Variants in VASP observed in about 807,000 individuals in gnomAD.
VASP encodes the protein vasodilator-stimulated phosphoprotein.
A neutral mutation model predicts 54.4 loss-of-function variants in VASP; 27 were observed. The ratio of observed to expected loss-of-function variants is 0.50; its 90% confidence interval spans 0.37 to 0.68. The LOEUF is 0.68. Among genes scored for constraint, VASP ranks in the 30% least tolerant of loss-of-function variants. The pLI is 0.00. For missense variants in VASP, 488 were observed against 528.3 expected (o/e 0.92, Z 0.75); for synonymous variants, 233 against 209.8 (o/e 1.11, Z -0.96).
At chr19:45,524,962 A>G (rs1308702594) in intron 11 of VASP, 3 of 317,726 alleles carry the variant, frequency 9.4e-6, no homozygotes, top group South Asian at 3.0e-5. Context: ...GCGCTTGCCA[A>G]CCTTGGTACT....
chr19:45,517,827 A>G lies in VASP; in HGVS notation c.170A>G (p.Asp57Gly). 6.2e-7 allele frequency: 1 copy of G among 1,613,122 alleles called. No homozygotes were observed. Among genetic ancestry groups the G allele is most frequent in the Non-Finnish European group, 8.5e-7 (1 of 1,179,844 alleles). The change falls in exon 2 of 13, where the codon GAC becomes GGC. Residue 57 changes from aspartate to glycine, a missense_variant. Physicochemically the swap from Asp to Gly is moderately conservative, Grantham distance 94. This residue lies in a region of VASP where 127 missense variants were observed against 170.7 expected (regional missense o/e 0.74). Transcript: ENST00000245932. ...GTCGTGGGCCGGAAGATGCAGCCCGACCAGCAGGTGCAGCTTCCCGCCGGC... is the reference window on the plus strand; with the variant it reads ...GTCGTGGGCCGGAAGATGCAGCCCGGCCAGCAGGTGCAGCTTCCCGCCGGC... ...FRVVGRKMQPDQQVVINCAIV... is the reference protein window; with the variant it reads ...FRVVGRKMQPGQQVVINCAIV...
chr19:45,521,370 AC>A lies in VASP; in HGVS notation c.393del (p.Asn131LysfsTer22), dbSNP rs1366180881. 6.3e-7 allele frequency: 1 copy of A among 1,582,382 alleles called. No homozygotes were observed. Among genetic ancestry groups the A allele is most frequent in the African/African-American group, 1.3e-5 (1 of 74,470 alleles). ...PPALPTWSVP[N>X]GPSPEEVEQQ... is the part of the protein sequence containing the mutation. ...GCACTTCCCACCTGGTCGGTCCCGAACGGCCCCTCCCCGGAGGAGGTGGAGC... is the reference window on the plus strand; with the variant it reads ...GCACTTCCCACCTGGTCGGTCCCGAAGGCCCCTCCCCGGAGGAGGTGGAGC... On this transcript the variant is annotated frameshift_variant, in exon 4 of 13. Coordinates refer to ENST00000245932, the MANE Select transcript of VASP (RefSeq NM_003370.4). LOFTEE classifies it high-confidence loss of function.
chr19:45,516,482 G>A (rs1166081144), intron 1 of VASP, among the ~76,000 whole-genome samples: 2 of 152,168 alleles, frequency 1.3e-5, no homozygotes, highest in African/African-American at 2.4e-5. Context: ...GGTGCGTAGA[G>A]ATAGGGAAAC....
chr19:45,518,603 A>T (rs902249023), intron 3 of VASP, among the ~76,000 whole-genome samples: 1 of 152,140 alleles, frequency 6.6e-6, no homozygotes, highest in Non-Finnish European at 1.5e-5. Flanking sequence ...TTACTCAGGG[A>T]TCAGTACTCC....
chr19:45,507,660 C>A lies in VASP; in HGVS notation c.-112C>A. 7.1e-7 allele frequency: 1 copy of A among 1,404,588 alleles called. No individual in the cohort carries two copies. The highest frequency in any genetic ancestry group is 9.6e-7 in the Non-Finnish European group (1 of 1,042,952). 87.0% of individuals were successfully genotyped at this position (1,404,588 alleles called of 1,614,324 possible). A position where few individuals can be genotyped will look rare whatever the true frequency, so the allele number is the denominator to read the frequency against. On this transcript the variant is annotated 5_prime_UTR_variant, in exon 1 of 13. Transcript: ENST00000245932. The surrounding 1 kb of genome is among the most constrained non-coding windows in gnomAD (Gnocchi z 4.4). The stretch of plus-strand genomic sequence containing the variant: ...GAAGCCGGACTCTATGGGGCGGGAC[C>A]CTGGGGGAGCCTGAGCCGAGCCCGG...
chr19:45,517,810 C>A lies in VASP; in HGVS notation c.153C>A (p.Gly51=), dbSNP rs138199862. ...NPTANSFRVV[G]RKMQPDQQVV... ...CGGCCAATTCCTTTCGCGTCGTGGG[C>A]CGGAAGATGCAGCCCGACCAGCAGG... is the stretch of plus-strand genomic sequence containing the variant. The change falls in exon 2 of 13, where the codon GGC becomes GGA. Residue 51 remains glycine, a synonymous_variant. Transcript: ENST00000245932. 4.2e-5 allele frequency: 68 copies of A among 1,613,666 alleles called. No homozygotes were observed. Among genetic ancestry groups the A allele is most frequent in the Non-Finnish European group, 5.5e-5 (65 of 1,180,000 alleles).
chr19:45,526,921 C>T lies in VASP; in HGVS notation c.*744C>T, dbSNP rs1968984545. On this transcript the variant is annotated 3_prime_UTR_variant, in exon 13 of 13. Coordinates refer to ENST00000245932, the MANE Select transcript of VASP (RefSeq NM_003370.4). ...GAAGGGGAGGAAACTTCTCCCCTCC[C>T]ACCTTCACCTTTAGCTTCTTGAAAA... The T allele has an allele frequency of 6.6e-6, 1 of 152,046 alleles. No homozygotes were observed. The highest frequency in any genetic ancestry group is 1.5e-5 in the Non-Finnish European group (1 of 68,008). The allele number at this position is 152,046 out of a possible 1,614,324, so 9.4% of individuals were successfully genotyped here. A position where few individuals can be genotyped will look rare whatever the true frequency, so the allele number is the denominator to read the frequency against.
In VASP at chr19:45,507,988, G is replaced by A. The variant is rs1185131725; in HGVS notation, c.5+212G>A. On this transcript the variant is annotated intron_variant, in intron 1 of 12. Transcript: ENST00000245932. The surrounding 1 kb of genome is among the most constrained non-coding windows in gnomAD (Gnocchi z 4.4). Reference sequence around the variant, plus strand: ...AAGCTCGGGGGGTGGTGGCGGTGAGGTTCTCCTGGGAGCCCTCAAGATTTG... The same window carrying A: ...AAGCTCGGGGGGTGGTGGCGGTGAGATTCTCCTGGGAGCCCTCAAGATTTG... Among the ~76,000 whole-genome samples the A allele has an allele frequency of 6.6e-6, 1 of 152,098 alleles. No homozygotes were observed. The highest frequency in any genetic ancestry group is 1.9e-4 in the East Asian group (1 of 5,180).
At chr19:45,514,206 G>C (rs1404423261) in intron 1 of VASP, among the ~76,000 whole-genome samples, 2 of 152,130 alleles carry the variant, frequency 1.3e-5, no homozygotes, top group Non-Finnish European at 2.9e-5. Flanking sequence ...GGGAAGAGCA[G>C]CATGGGGGTA....
intron 1 of VASP, among the ~76,000 whole-genome samples, chr19:45,509,603 A>G (rs1048812675): frequency 2.0e-5 from 3 of 152,090 alleles, no homozygotes; most frequent in African/African-American, 7.2e-5. Context: ...GTGGCCAAGC[A>G]TCCCGTCTTG....
rs756827489 is a variant in VASP at position 45,517,800 on chromosome 19, G to A, written c.143G>A (p.Arg48His). Residue 48 changes from arginine (R) to histidine (H), a missense_variant, in exon 2 of 13, where the codon CGC (arginine) becomes CAC (histidine). Coordinates refer to ENST00000245932, the MANE Select transcript of VASP (RefSeq NM_003370.4). ...IYHNPTANSF[R>H]VVGRKMQPDQ... ...CACAACCCCACGGCCAATTCCTTTCGCGTCGTGGGCCGGAAGATGCAGCCC... is the reference window on the plus strand; with the variant it reads ...CACAACCCCACGGCCAATTCCTTTCACGTCGTGGGCCGGAAGATGCAGCCC... The A allele has an allele frequency of 7.4e-6, 12 of 1,613,632 alleles. No homozygotes were observed. The highest frequency in any genetic ancestry group is 1.7e-5 in the Admixed American group (1 of 59,992).
chr19:45,520,658 A>T (rs1968811505), intron 3 of VASP, among the ~76,000 whole-genome samples: 1 of 152,178 alleles, frequency 6.6e-6, no homozygotes, highest in South Asian at 2.1e-4. Context: ...AAGTGGCTGT[A>T]ACAGTGGTTA....
In VASP at chr19:45,507,802, GTCCCCGCCCGGGCGGGCTCCGC is replaced by G. The variant is rs1242233048; in HGVS notation, c.5+27_5+48del. ...GTGAGCCGGACCTGCCCCCCGACCCGTCCCCGCCCGGGCGGGCTCCGCGCCCCGCCTTTGTCCCCCTCCCCCC... is the reference window on the plus strand; with the variant it reads ...GTGAGCCGGACCTGCCCCCCGACCCGGCCCCGCCTTTGTCCCCCTCCCCCC... On this transcript the variant is annotated intron_variant, in intron 1 of 12. Transcript: ENST00000245932. The surrounding 1 kb of genome is among the most constrained non-coding windows in gnomAD (Gnocchi z 4.4). 1 of 1,227,434 alleles carries G rather than the reference GTCCCCGCCCGGGCGGGCTCCGC, an allele frequency of 8.1e-7. No individual in the cohort carries two copies. The highest frequency in any genetic ancestry group is 1.7e-5 in the African/African-American group (1 of 57,508). The allele number at this position is 1,227,434 out of a possible 1,614,324, so 76.0% of individuals were successfully genotyped here.
chr19:45,521,199 C>T (rs1007135273), intron 3 of VASP, 123 bp from the exon 4 acceptor site: 2 of 1,000,382 alleles, frequency 2.0e-6, no homozygotes, highest in African/African-American at 3.2e-5. Flanking sequence ...CTCAGGGCCT[C>T]TGGAAGGAGG....
intron 3 of VASP, among the ~76,000 whole-genome samples, chr19:45,520,300 A>G (rs1249323051): frequency 1.3e-5 from 2 of 152,308 alleles, no homozygotes; most frequent in East Asian, 3.9e-4. Flanking sequence ...CTGAGACTCC[A>G]CATTCTCACA....
In VASP at chr19:45,521,351, C is replaced by G; in HGVS notation, c.373C>G (p.Pro125Ala). ...GGGPPPPPAL[P>A]TWSVPNGPSP... is the part of the protein sequence containing the mutation. ...TGGGCCCCCTCCACCCCCAGCACTTCCCACCTGGTCGGTCCCGAACGGCCC... is the reference window on the plus strand; with the variant it reads ...TGGGCCCCCTCCACCCCCAGCACTTGCCACCTGGTCGGTCCCGAACGGCCC... Residue 125 changes from proline (P) to alanine (A), a missense_variant, in exon 4 of 13, where the codon CCC becomes GCC. Coordinates refer to ENST00000245932, the MANE Select transcript of VASP (RefSeq NM_003370.4). 6.3e-7 allele frequency: 1 copy of G among 1,582,680 alleles called. No individual in the cohort carries two copies. The highest frequency in any genetic ancestry group is 2.3e-5 in the East Asian group (1 of 43,458).
In VASP at chr19:45,507,792, C is replaced by G. The variant is rs779056273; in HGVS notation, c.5+16C>G. On this transcript the variant is annotated intron_variant, in intron 1 of 12. Transcript: ENST00000245932. The surrounding 1 kb of genome is among the most constrained non-coding windows in gnomAD (Gnocchi z 4.4). ...CAGCCATGAGGTGAGCCGGACCTGC[C>G]CCCCGACCCGTCCCCGCCCGGGCGG... is the stretch of plus-strand genomic sequence containing the variant. 2 of 1,426,028 alleles carry G rather than the reference C, an allele frequency of 1.4e-6. No homozygotes were observed. Among genetic ancestry groups the G allele is most frequent in the South Asian group, 1.4e-5 (1 of 69,492 alleles). The allele number at this position is 1,426,028 out of a possible 1,614,324, so 88.3% of individuals were successfully genotyped here.
chr19:45,517,481 G>GTCTCTCCTGATCTGATTT (rs1207119354), intron 1 of VASP, among the ~76,000 whole-genome samples, 182 bp from the exon 2 acceptor site: 1 of 151,606 alleles, frequency 6.6e-6, no homozygotes, highest in Non-Finnish European at 1.5e-5. Context: ...GTGTTTGCCT[G>GTCTCTCCTGATCTGATTT]TCTCTCCTGA....
intron 1 of VASP, among the ~76,000 whole-genome samples, chr19:45,513,666 C>G (rs974078985): frequency 6.6e-6 from 1 of 151,676 alleles, no homozygotes; most frequent in Non-Finnish European, 1.5e-5. Context: ...TAGGGTTTCA[C>G]CATGTTGGCC....
Sources: gnomAD v4.1 joint callset for allele counts (sites outside exome capture counted in the v4.1 genomes callset) on GRCh38, gnomAD v4.1.1 for gene constraint, gnomAD v4.1.1 regional missense constraint, Gnocchi (gnomAD v3.1) non-coding constraint, MANE v1.5 for transcripts, NCBI Gene and HGNC (gene_info 2026-07-23, HGNC 2026-07-21) for gene names.